The following PRORP variants were observed in gnomAD, a reference collection of about 807,000 sequenced individuals.
PRORP encodes mitochondrial ribonuclease P catalytic subunit.
Under a neutral mutation model 59.4 loss-of-function variants are expected in PRORP, and 51 were observed. The observed-to-expected ratio is 0.86, with a 90% CI of 0.69 to 1.08. The LOEUF is 1.08. PRORP is among the 50% of genes least tolerant of loss of function. The pLI is 0.00. For missense variants in PRORP, 646 were observed against 690.3 expected (o/e 0.94, Z 0.72); for synonymous variants, 231 against 245.6 (o/e 0.94, Z 0.55).
intron 4 of PRORP, among the ~76,000 whole-genome samples, chr14:35,129,514 G>A (rs1402133573): frequency 5.4e-5 from 8 of 147,416 alleles, no homozygotes; most frequent in Admixed American, 2.1e-4. Flanking sequence ...TTGCTCTGTC[G>A]CCCAGGCTAG....
At chr14:35,223,340 T>C (rs2049841397) in intron 5 of PRORP, among the ~76,000 whole-genome samples, 2 of 152,062 alleles carry the variant, frequency 1.3e-5, no homozygotes, top group African/African-American at 4.8e-5. Context: ...TAGGAAATCA[T>C]CACTATATCA....
At chr14:35,158,795 T>C (rs753315908) in intron 4 of PRORP, 4 of 355,632 alleles carry the variant, frequency 1.1e-5, no homozygotes, top group Non-Finnish European at 2.2e-5. Flanking sequence ...ATTAAAACTT[T>C]GGATTGTTCC....
At chr14:35,126,601 A>T in intron 2 of PRORP, 134 bp from the exon 3 acceptor site, 1 of 630,652 alleles carries the variant, frequency 1.6e-6, no homozygotes, top group East Asian at 2.9e-5. Flanking sequence ...CCACTTTTTA[A>T]ATTAAACCAT....
intron 5 of PRORP, among the ~76,000 whole-genome samples, chr14:35,217,227 G>A (rs997701564): frequency 2.0e-4 from 30 of 151,902 alleles, no homozygotes; most frequent in Non-Finnish European, 3.7e-4. Context: ...TAGGGTGGGC[G>A]CAGTGGCTCA....
chr14:35,236,358 T>C (rs1424238999), intron 5 of PRORP, among the ~76,000 whole-genome samples: 1 of 152,188 alleles, frequency 6.6e-6, no homozygotes, highest in African/African-American at 2.4e-5. Flanking sequence ...CACTAACTCA[T>C]AAATAGCTAG....
chr14:35,177,130 T>C (rs2048472985), intron 4 of PRORP, among the ~76,000 whole-genome samples: 1 of 152,232 alleles, frequency 6.6e-6, no homozygotes, highest in Admixed American at 6.5e-5. Context: ...GATGTGCTGC[T>C]GGATTCAGTT....
chr14:35,259,457 T>C (rs1343117829), intron 5 of PRORP, among the ~76,000 whole-genome samples: 3 of 152,208 alleles, frequency 2.0e-5, no homozygotes, highest in Admixed American at 6.5e-5. Context: ...CATACTGTTA[T>C]TGATATGTTA....
chr14:35,253,097 G>A (rs1299859125), intron 5 of PRORP, among the ~76,000 whole-genome samples: 4 of 152,164 alleles, frequency 2.6e-5, no homozygotes, highest in Admixed American at 6.5e-5. Flanking sequence ...ACTTTGGGAG[G>A]CCAAGGCAGG....
chr14:35,189,661 T>C (rs1214267336), intron 5 of PRORP, among the ~76,000 whole-genome samples: 1 of 152,194 alleles, frequency 6.6e-6, no homozygotes, highest in Admixed American at 6.5e-5. Context: ...CTAATGATTG[T>C]GTTATCTAAA....
At chr14:35,133,195 G>A (rs910945383) in intron 4 of PRORP, among the ~76,000 whole-genome samples, 2 of 152,086 alleles carry the variant, frequency 1.3e-5, no homozygotes, top group African/African-American at 2.4e-5. Context: ...ATGGGATTAC[G>A]GGCGTGAGCT....
intron 5 of PRORP, among the ~76,000 whole-genome samples, chr14:35,236,923 TTCTC>T (rs1203334286): frequency 2.0e-5 from 3 of 149,672 alleles, no homozygotes; most frequent in South Asian, 2.1e-4. Context: ...TCTTCTTTCT[TTCTC>T]TCTCTTTCTC....
intron 5 of PRORP, among the ~76,000 whole-genome samples, chr14:35,257,331 C>T (rs1169943433): frequency 3.9e-5 from 6 of 152,190 alleles, no homozygotes; most frequent in African/African-American, 1.4e-4. Flanking sequence ...CAAACTGAAA[C>T]TCTGTATCCG....
Position 35,147,692 on chromosome 14 carries a change from C to T in PRORP, c.1167+20081C>T, listed in dbSNP as rs188516099. On this transcript the variant is annotated intron_variant, in intron 4 of 7. Coordinates refer to ENST00000534898, the MANE Select transcript of PRORP (RefSeq NM_014672.4). ...AAGTTTGCCACATAAATTGACTCTT[C>T]TTATCACAAAATATTTTTCTGCAGC... 4.6e-5 allele frequency among the ~76,000 whole-genome samples: 7 copies of T among 152,326 alleles called. No homozygotes were observed. In the East Asian group the frequency reaches 1.3e-3, roughly 29 times the overall value.
chr14:35,133,102 A>G (rs1306150265), intron 4 of PRORP, among the ~76,000 whole-genome samples: 1 of 151,972 alleles, frequency 6.6e-6, no homozygotes, highest in Non-Finnish European at 1.5e-5. Context: ...TTGTATTTTT[A>G]GTAGAGATGG....
intron 5 of PRORP, among the ~76,000 whole-genome samples, chr14:35,200,898 G>C (rs1177995161): frequency 6.6e-6 from 1 of 152,000 alleles, no homozygotes; most frequent in Non-Finnish European, 1.5e-5. Flanking sequence ...TATTGTCCTT[G>C]TTCTCTTCTG....
intron 5 of PRORP, among the ~76,000 whole-genome samples, chr14:35,195,361 A>C (rs1328888218): frequency 6.6e-6 from 1 of 152,144 alleles, no homozygotes; most frequent in Non-Finnish European, 1.5e-5. Context: ...GAGTTTACTG[A>C]CATAGAAAGG....
intron 5 of PRORP, among the ~76,000 whole-genome samples, chr14:35,189,624 AACAGG>A (rs760557727): frequency 3.2e-4 from 48 of 152,314 alleles, no homozygotes; most frequent in Admixed American, 1.3e-4. Flanking sequence ...ATAGATCAAT[AACAGG>A]AATGCTAGCC....
chr14:35,178,850 T>A (rs1240717361), intron 4 of PRORP, among the ~76,000 whole-genome samples: 2 of 152,326 alleles, frequency 1.3e-5, no homozygotes, highest in East Asian at 3.9e-4. Flanking sequence ...GGTCTTTACG[T>A]TTTGGCATGT....
At chr14:35,132,405 C>A (rs998002873) in intron 4 of PRORP, among the ~76,000 whole-genome samples, 3 of 151,890 alleles carry the variant, frequency 2.0e-5, no homozygotes, top group Admixed American at 6.6e-5. Context: ...TTGCGGTGAG[C>A]CAAGGTCACA....
Sources: allele counts gnomAD v4.1 joint callset (sites outside exome capture counted in the v4.1 genomes callset), GRCh38; gene constraint gnomAD v4.1.1; transcripts MANE v1.5; gene names NCBI Gene and HGNC (gene_info 2026-07-23, HGNC 2026-07-21).